VTI1A: variants seen among roughly 807,000 people sequenced by gnomAD.
VTI1A encodes vesicle transport through interaction with t-SNAREs homolog 1A.
In VTI1A, 22 loss-of-function variants were observed where a neutral mutation model predicts 34.9. That is an observed-to-expected ratio of 0.63 (90% CI 0.45 to 0.90). The LOEUF is 0.90. Among genes scored for constraint, VTI1A ranks in the 40% least tolerant of loss-of-function variants. The pLI is 0.00. For missense variants in VTI1A, 268 were observed against 275.6 expected (o/e 0.97, Z 0.20); for synonymous variants, 87 against 97.3 (o/e 0.89, Z 0.62).
intron 5 of VTI1A, among the ~76,000 whole-genome samples, chr10:112,574,669 A>G (rs117535653): frequency 0.011 from 1,730 of 152,320 alleles, 16 homozygotes; most frequent in Non-Finnish European, 0.017. Flanking sequence ...ACGTTAAGTG[A>G]TGGATGGAAC....
downstream of VTI1A, among the ~76,000 whole-genome samples, chr10:112,822,709 A>G (rs988717493): frequency 9.2e-5 from 14 of 152,290 alleles, no homozygotes; most frequent in African/African-American, 2.6e-4. Flanking sequence ...TTTCTAAAGA[A>G]AGGGAGAAAC....
intron 5 of VTI1A, among the ~76,000 whole-genome samples, chr10:112,636,706 G>T (rs1846364654): frequency 1.4e-5 from 2 of 146,956 alleles, no homozygotes; most frequent in Admixed American, 1.4e-4. Flanking sequence ...TCCAGCCTGG[G>T]TGCCAGAGCA....
intron 7 of VTI1A, among the ~76,000 whole-genome samples, chr10:112,735,858 C>G (rs1850433104): frequency 6.6e-6 from 1 of 151,206 alleles, no homozygotes; most frequent in African/African-American, 2.4e-5. Flanking sequence ...GCCACAAGAC[C>G]TTTTTTAATT....
chr10:112,766,560 A>C (rs1464170087), intron 7 of VTI1A, among the ~76,000 whole-genome samples: 1 of 152,210 alleles, frequency 6.6e-6, no homozygotes, highest in Non-Finnish European at 1.5e-5. Context: ...AAAATCAGGA[A>C]CTAGATTCTC....
At chr10:112,670,616 G>T (rs1323791084) in intron 7 of VTI1A, among the ~76,000 whole-genome samples, 1 of 152,166 alleles carries the variant, frequency 6.6e-6, no homozygotes, top group African/African-American at 2.4e-5. Context: ...GAATAAATTT[G>T]CAAGTCATTT....
At chr10:112,743,560 A>T (rs1850773976) in intron 7 of VTI1A, among the ~76,000 whole-genome samples, 1 of 152,110 alleles carries the variant, frequency 6.6e-6, no homozygotes, top group African/African-American at 2.4e-5. Flanking sequence ...CTTCCGCCCC[A>T]GCTGGCCAGC....
intron 7 of VTI1A, among the ~76,000 whole-genome samples, chr10:112,801,971 G>T (rs567486026): frequency 4.6e-5 from 7 of 152,338 alleles, no homozygotes; most frequent in African/African-American, 1.7e-4. Flanking sequence ...CTTGCAGCTG[G>T]GTGTGGTGGC....
chr10:112,448,175 A>G (rs1252423531), intron 1 of VTI1A, among the ~76,000 whole-genome samples: 1 of 152,200 alleles, frequency 6.6e-6, no homozygotes, highest in Non-Finnish European at 1.5e-5. Context: ...ACATATTTAA[A>G]GTCACTTTTG....
At chr10:112,645,750 T>C (rs1846750007) in intron 5 of VTI1A, among the ~76,000 whole-genome samples, 1 of 152,200 alleles carries the variant, frequency 6.6e-6, no homozygotes, top group African/African-American at 2.4e-5. Context: ...GTGTTCTCTC[T>C]ATAATAGTTT....
Position 112,736,025 on chromosome 10 carries a change from A to G in VTI1A, c.560+67027A>G, listed in dbSNP as rs1405279325. ...ATACATATATTTTAAAACATATTTTATATTTATATATAGTATATGTTTATA... is the reference window on the plus strand; with the variant it reads ...ATACATATATTTTAAAACATATTTTGTATTTATATATAGTATATGTTTATA... On this transcript the variant is annotated intron_variant, in intron 7 of 7. Coordinates refer to ENST00000393077, the MANE Select transcript of VTI1A (RefSeq NM_145206.4). Among the ~76,000 whole-genome samples, 3 of 146,834 alleles carry G rather than the reference A, an allele frequency of 2.0e-5. No individual in the cohort carries two copies. The Admixed American group carries it at 2.1e-4, about 10-fold the overall frequency.
At chr10:112,618,512 T>TAGAGAGAGAGAGAGAGAG (rs1209394707) in intron 5 of VTI1A, among the ~76,000 whole-genome samples, 1 of 37,926 alleles carries the variant, frequency 2.6e-5, no homozygotes, top group African/African-American at 1.2e-4. Flanking sequence ...TATATATATA[T>TAGAGAGAGAGAGAGAGAG]ATATATATAT....
At chr10:112,712,621 T>C (rs1240191431) in intron 7 of VTI1A, among the ~76,000 whole-genome samples, 1 of 152,062 alleles carries the variant, frequency 6.6e-6, no homozygotes, top group African/African-American at 2.4e-5. Context: ...GGCCTTTCCC[T>C]TCCTAAAGAA....
At chr10:112,513,478 G>C (rs1849680820) in intron 3 of VTI1A, among the ~76,000 whole-genome samples, 1 of 151,940 alleles carries the variant, frequency 6.6e-6, no homozygotes, top group Admixed American at 6.6e-5. Flanking sequence ...TATGTCATCA[G>C]TAAATAGAGA....
At chr10:112,459,737 G>C (rs1790536624) in intron 1 of VTI1A, among the ~76,000 whole-genome samples, 2 of 152,106 alleles carry the variant, frequency 1.3e-5, no homozygotes, top group African/African-American at 4.8e-5. Flanking sequence ...TGAGGGTATG[G>C]GAAAGCTTTC....
At chr10:112,852,346 G>A in the VTI1A span, among the ~76,000 whole-genome samples, 3 of 152,222 alleles carry the variant, frequency 2.0e-5, no homozygotes, top group African/African-American at 7.2e-5. Flanking sequence ...TTCCCACGTT[G>A]AGAAAGCCAC....
chr10:112,617,369 G>T (rs532863410), intron 5 of VTI1A, among the ~76,000 whole-genome samples: 93 of 151,986 alleles, frequency 6.1e-4, no homozygotes, highest in Non-Finnish European at 1.2e-3. Flanking sequence ...TTTACTAAAG[G>T]GGTTTTTTAA....
intron 4 of VTI1A, among the ~76,000 whole-genome samples, chr10:112,534,576 T>C (rs757352797): frequency 2.6e-5 from 4 of 152,144 alleles, no homozygotes; most frequent in Non-Finnish European, 5.9e-5. Context: ...TTTCAACAAC[T>C]CTTTGAATTT....
intron 7 of VTI1A, among the ~76,000 whole-genome samples, chr10:112,757,321 C>T (rs7912892): frequency 0.35 from 50,097 of 141,926 alleles, 9,184 homozygotes; most frequent in East Asian, 0.53. Context: ...GCTCTTTTGC[C>T]TTTGCTTTCA....
intron 3 of VTI1A, among the ~76,000 whole-genome samples, chr10:112,500,073 C>T (rs527696946): frequency 3.9e-5 from 6 of 152,318 alleles, no homozygotes; most frequent in African/African-American, 1.2e-4. Flanking sequence ...CATAAAGCCT[C>T]AGTCTACCAG....
Sources: allele counts gnomAD v4.1 joint callset (sites outside exome capture counted in the v4.1 genomes callset), GRCh38; gene constraint gnomAD v4.1.1; transcripts MANE v1.5; gene names NCBI Gene and HGNC (gene_info 2026-07-23, HGNC 2026-07-21).